Variants in FAM184A observed in about 807,000 individuals in gnomAD.
The protein encoded by FAM184A is family with sequence similarity 184 member A, also known as protein FAM184A.
FAM184A carries 99 observed loss-of-function variants against 143.8 expected under a neutral mutation model. That is an observed-to-expected ratio of 0.69 (90% CI 0.58 to 0.81). The LOEUF (loss-of-function observed/expected upper bound fraction) is 0.81. FAM184A is among the 40% of genes least tolerant of loss of function. The pLI is 0.00. For synonymous variants in FAM184A, 427 were observed against 446.4 expected (o/e 0.96, Z 0.55); for missense variants, 1,217 against 1,310.5 (o/e 0.93, Z 1.10).
At chr6:119,049,071 A>G (rs1432708859) in intron 1 of FAM184A, among the ~76,000 whole-genome samples, 2 of 152,232 alleles carry the variant, frequency 1.3e-5, no homozygotes, top group East Asian at 3.8e-4. Flanking sequence ...AGCAAAAAGG[A>G]CAAAGCTGGA....
intron 1 of FAM184A, among the ~76,000 whole-genome samples, chr6:119,133,473 G>A (rs1481579801): frequency 2.0e-5 from 3 of 152,062 alleles, no homozygotes; most frequent in African/African-American, 4.8e-5. Context: ...AGAGAAGCGG[G>A]GCTGCAGTAG....
chr6:119,023,953 A>C lies in FAM184A; in HGVS notation c.1014+6T>G. 1 of 1,555,416 alleles carries C rather than the reference A, an allele frequency of 6.4e-7. No individual in the cohort carries two copies. Among genetic ancestry groups the C allele is most frequent in the Non-Finnish European group, 8.6e-7 (1 of 1,159,262 alleles). On this transcript the variant is annotated splice_donor_region_variant and intron_variant, in intron 2 of 17. Transcript: ENST00000338891. ...CCATGTGTTGAATATAATATTCTTT[A>C]CTTACCTGAACATTGTTCTCTGCTA...
chr6:119,080,987 A>G (rs1254803267), upstream of FAM184A, among the ~76,000 whole-genome samples: 1 of 152,164 alleles, frequency 6.6e-6, no homozygotes, highest in Admixed American at 6.5e-5. Flanking sequence ...GGCAAAATTT[A>G]CATGGCTGGA....
At chr6:119,101,864 T>C (rs1477766857) in intron 1 of FAM184A, among the ~76,000 whole-genome samples, 1 of 152,080 alleles carries the variant, frequency 6.6e-6, no homozygotes, top group African/African-American at 2.4e-5. Context: ...AAGACCAGCC[T>C]GGACAACATG....
At chr6:119,025,947 C>T (rs1409936477) in intron 1 of FAM184A, among the ~76,000 whole-genome samples, 1 of 152,198 alleles carries the variant, frequency 6.6e-6, no homozygotes, top group African/African-American at 2.4e-5. Flanking sequence ...CTGTGGCAGA[C>T]TGGCTGGCTC....
At chr6:118,993,679 C>A (rs982936130) in intron 9 of FAM184A, among the ~76,000 whole-genome samples, 8 of 152,114 alleles carry the variant, frequency 5.3e-5, no homozygotes, top group African/African-American at 1.9e-4. Context: ...CTAATAATAG[C>A]AGAAAGAGAA....
intron 6 of FAM184A, among the ~76,000 whole-genome samples, chr6:119,007,092 T>A (rs921532957): frequency 1.3e-5 from 2 of 152,198 alleles, no homozygotes; most frequent in Non-Finnish European, 1.5e-5. Flanking sequence ...AAGTTATGAT[T>A]CCTGTGTTTC....
chr6:119,013,463 T>C (rs914129412), intron 5 of FAM184A, among the ~76,000 whole-genome samples: 2 of 152,070 alleles, frequency 1.3e-5, no homozygotes, highest in East Asian at 1.9e-4. Flanking sequence ...TACCAAAAGA[T>C]AGCTAGGAAA....
chr6:119,118,853 A>C (rs1789131919), intron 1 of FAM184A, among the ~76,000 whole-genome samples: 1 of 152,162 alleles, frequency 6.6e-6, no homozygotes, highest in African/African-American at 2.4e-5. Flanking sequence ...GGAACAAGAG[A>C]GGTAACCTTA....
At chr6:119,062,516 G>A (rs192224531) in intron 1 of FAM184A, among the ~76,000 whole-genome samples, 62 of 152,136 alleles carry the variant, frequency 4.1e-4, no homozygotes, top group African/African-American at 1.2e-3. Context: ...AAAATTAGCC[G>A]GGTGTGGTGG....
At chr6:119,035,437 C>A (rs1362468339) in intron 1 of FAM184A, among the ~76,000 whole-genome samples, 1 of 152,128 alleles carries the variant, frequency 6.6e-6, no homozygotes, top group African/African-American at 2.4e-5. Flanking sequence ...TTACAGGACG[C>A]ACAGCAAGCC....
rs1789682454 is a variant in FAM184A, at chr6:119,136,770, T to C, written c.-202+12308A>G. Among the ~76,000 whole-genome samples, 7 of 152,256 alleles carry C rather than the reference T, an allele frequency of 4.6e-5. No homozygotes were observed. The South Asian group carries it at 1.4e-3, about 31-fold the overall frequency. On this transcript the variant is annotated intron_variant, in intron 1 of 16. Transcript: ENST00000352896. ...TGCTTAACTTTCAAATTCCTGCTAC[T>C]GTCTGGCCTGGTTTGGGCCACATGC...
chr6:119,034,569 T>TC (rs968922906), intron 1 of FAM184A, among the ~76,000 whole-genome samples: 1 of 79,290 alleles, frequency 1.3e-5, no homozygotes, highest in East Asian at 3.9e-4. Context: ...ATATATAGTT[T>TC]TTTTTTTTTT....
chr6:119,013,583 G>A (rs559549033), intron 5 of FAM184A, among the ~76,000 whole-genome samples: 2 of 152,292 alleles, frequency 1.3e-5, no homozygotes, highest in African/African-American at 4.8e-5. Context: ...AACTAATGCT[G>A]TGCAAACTGG....
intron 1 of FAM184A, among the ~76,000 whole-genome samples, chr6:119,118,965 C>A (rs1447812608): frequency 2.6e-5 from 4 of 152,296 alleles, no homozygotes; most frequent in South Asian, 4.2e-4. Context: ...CAAGGAACAT[C>A]CCTGAGAAAG....
intron 4 of FAM184A, among the ~76,000 whole-genome samples, chr6:119,017,571 C>G (rs1184251127): frequency 6.6e-6 from 1 of 151,886 alleles, no homozygotes; most frequent in African/African-American, 2.4e-5. Flanking sequence ...AGTTAACCCA[C>G]TCAAAGGATA....
At chr6:119,020,905 A>G (rs957787232) in intron 3 of FAM184A, among the ~76,000 whole-genome samples, 3 of 152,238 alleles carry the variant, frequency 2.0e-5, no homozygotes, top group African/African-American at 7.2e-5. Context: ...AGATAAAGAC[A>G]GCAAGGTTAT....
intron 1 of FAM184A, among the ~76,000 whole-genome samples, chr6:119,123,874 A>G (rs1489633588): frequency 6.6e-6 from 1 of 152,212 alleles, no homozygotes; most frequent in Non-Finnish European, 1.5e-5. Flanking sequence ...TCTCTACTCT[A>G]TTTTAAATTT....
intron 1 of FAM184A, among the ~76,000 whole-genome samples, chr6:119,113,456 C>CT (rs887825908): frequency 3.3e-5 from 5 of 151,256 alleles, no homozygotes; most frequent in East Asian, 3.9e-4. Flanking sequence ...AGTTTTCTTC[C>CT]TTTTTTTTCA....
Sources: gnomAD v4.1 joint callset for allele counts (sites outside exome capture counted in the v4.1 genomes callset) on GRCh38, gnomAD v4.1.1 for gene constraint, MANE v1.5 for transcripts, NCBI Gene and HGNC (gene_info 2026-07-23, HGNC 2026-07-21) for gene names.